Variants in CCDC7 observed in about 807,000 individuals in gnomAD.
CCDC7 encodes coiled-coil domain-containing protein 7.
A neutral mutation model predicts 196.9 loss-of-function variants in CCDC7; 183 were observed. The ratio of observed to expected loss-of-function variants is 0.93; its 90% confidence interval spans 0.82 to 1.05. CCDC7 has a LOEUF of 1.05. Among genes scored for constraint, CCDC7 ranks in the 50% least tolerant of loss-of-function variants. CCDC7 has a pLI of 0.00. For missense variants in CCDC7, 1,540 were observed against 1,482.2 expected (o/e 1.04, Z -0.64); for synonymous variants, 525 against 484.6 (o/e 1.08, Z -1.10).
intron 1 of CCDC7, 21 bp downstream of exon 1, chr10:32,446,418 C>T (rs570918251): frequency 7.9e-5 from 12 of 152,322 alleles, no homozygotes; most frequent in Admixed American, 7.2e-4. Flanking sequence ...CGGGGAGCCT[C>T]GGGAGCGGCT....
chr10:32,518,980 A>G lies in CCDC7; in HGVS notation c.993+475A>G, dbSNP rs1589447855. The stretch of plus-strand genomic sequence containing the variant: ...CAAACTACAGACAATAAAGTCAAAT[A>G]CATTAGAAGTGAACTTTTATTAACC... On this transcript the variant is annotated intron_variant, in intron 11 of 41. Coordinates refer to ENST00000639629, the Ensembl canonical transcript of CCDC7. Among the ~76,000 whole-genome samples the G allele has an allele frequency of 2.0e-5, 3 of 152,292 alleles. No individual in the cohort carries two copies. In the South Asian group the frequency reaches 6.2e-4, roughly 32 times the overall value.
intron 32 of CCDC7, among the ~76,000 whole-genome samples, chr10:32,830,926 G>C (rs889232695): frequency 3.9e-5 from 6 of 152,144 alleles, no homozygotes; most frequent in Non-Finnish European, 8.8e-5. Flanking sequence ...AAAACATTGA[G>C]AGACAAAGTG....
chr10:32,584,156 G>A, intron 17 of CCDC7, 76 bp from the exon 19 acceptor site: 1 of 630,628 alleles, frequency 1.6e-6, no homozygotes, highest in Non-Finnish European at 2.4e-6. Flanking sequence ...CTCAAAGCAG[G>A]TAATTAAATA....
chr10:32,724,071 A>G (rs1158457155), intron 25 of CCDC7, among the ~76,000 whole-genome samples: 1 of 151,988 alleles, frequency 6.6e-6, no homozygotes, highest in Non-Finnish European at 1.5e-5. Context: ...ATTGGAAGCT[A>G]AAAGGAAGGA....
intron 13 of CCDC7, among the ~76,000 whole-genome samples, chr10:32,563,559 C>G (rs1466737413): frequency 6.6e-6 from 1 of 152,190 alleles, no homozygotes; most frequent in South Asian, 2.1e-4. Flanking sequence ...AAAGGATTCC[C>G]TATTTAATAA....
At chr10:32,457,396 C>T (rs1035354467) in intron 3 of CCDC7, among the ~76,000 whole-genome samples, 1 of 152,068 alleles carries the variant, frequency 6.6e-6, no homozygotes, top group African/African-American at 2.4e-5. Flanking sequence ...GTCCATTCCC[C>T]CTATATGCCA....
chr10:32,642,282 C>T (rs2066954842), intron 20 of CCDC7, among the ~76,000 whole-genome samples: 2 of 152,222 alleles, frequency 1.3e-5, no homozygotes, highest in African/African-American at 2.4e-5. Flanking sequence ...CCTCCTTGAG[C>T]TGTGGTGGGC....
At chr10:32,476,294 G>A (rs2038956923) in intron 8 of CCDC7, among the ~76,000 whole-genome samples, 1 of 152,126 alleles carries the variant, frequency 6.6e-6, no homozygotes, top group African/African-American at 2.4e-5. Context: ...TTTCAAGAAT[G>A]TTGTATATTT....
In CCDC7 at chr10:32,827,912, C is replaced by T. The variant is rs571784955; in HGVS notation, c.3268+3308C>T. 2.1e-4 allele frequency among the ~76,000 whole-genome samples: 32 copies of T among 152,294 alleles called. 1 individual carries two copies. The South Asian group carries it at 6.2e-3, about 30-fold the overall frequency. On this transcript the variant is annotated intron_variant, in intron 32 of 41. Transcript: ENST00000639629. ...TGCAGCCACGAAATCCCTTTCCAGG[C>T]ATTTCCCAGATATAGGATAGATTAA...
At chr10:32,651,139 A>G (rs1349438236) in intron 20 of CCDC7, among the ~76,000 whole-genome samples, 1 of 152,010 alleles carries the variant, frequency 6.6e-6, no homozygotes, top group Non-Finnish European at 1.5e-5. Flanking sequence ...ATCTTCAGGG[A>G]GATCTCCCCT....
chr10:32,760,951 C>A (rs1011670835), intron 28 of CCDC7, among the ~76,000 whole-genome samples: 2 of 151,896 alleles, frequency 1.3e-5, no homozygotes, highest in Non-Finnish European at 2.9e-5. Context: ...TGAGAGAAGA[C>A]CCCAAATTGT....
At chr10:32,658,188 C>G (rs2070391622) in intron 20 of CCDC7, among the ~76,000 whole-genome samples, 1 of 152,210 alleles carries the variant, frequency 6.6e-6, no homozygotes, top group African/African-American at 2.4e-5. Context: ...GTTGCTTCTA[C>G]ATTTTTGGTT....
intron 29 of CCDC7, among the ~76,000 whole-genome samples, chr10:32,802,051 C>T (rs12355589): frequency 1.6e-4 from 25 of 152,308 alleles, no homozygotes; most frequent in Non-Finnish European, 2.8e-4. Context: ...AGGTCAGCCA[C>T]TCACAGGATA....
chr10:32,870,296 C>T (rs1056654922), intron 41 of CCDC7, among the ~76,000 whole-genome samples: 9 of 152,090 alleles, frequency 5.9e-5, no homozygotes, highest in African/African-American at 2.2e-4. Flanking sequence ...TGTAGTTCTC[C>T]TTGAAGAGGT....
At chr10:32,817,318 C>T (rs1198430251) in intron 31 of CCDC7, among the ~76,000 whole-genome samples, 1 of 152,160 alleles carries the variant, frequency 6.6e-6, no homozygotes, top group Non-Finnish European at 1.5e-5. Flanking sequence ...ACAAAGCCTT[C>T]AAGAAATATG....
At chr10:32,462,395 A>G (rs1250026217) in intron 3 of CCDC7, among the ~76,000 whole-genome samples, 4 of 152,186 alleles carry the variant, frequency 2.6e-5, no homozygotes. Flanking sequence ...GCTGCACTCA[A>G]GCCTGGGTGA....
intron 8 of CCDC7, chr10:32,481,630 C>T (rs1431407543): frequency 6.6e-6 from 1 of 152,116 alleles, no homozygotes; most frequent in Non-Finnish European, 1.5e-5. Context: ...TTTATACTTT[C>T]ATATGTATTT....
chr10:32,793,490 T>C (rs1592807331), intron 29 of CCDC7, among the ~76,000 whole-genome samples: 1 of 152,228 alleles, frequency 6.6e-6, no homozygotes, highest in Admixed American at 6.5e-5. Flanking sequence ...CTTAGTCTTA[T>C]GTGTTTTGAT....
intron 18 of CCDC7, among the ~76,000 whole-genome samples, chr10:32,601,953 C>A (rs1019419823): frequency 6.6e-6 from 1 of 152,140 alleles, no homozygotes; most frequent in East Asian, 1.9e-4. Flanking sequence ...GTGGGCGGGG[C>A]CAAATAAGGG....
Sources: allele counts gnomAD v4.1 joint callset (sites outside exome capture counted in the v4.1 genomes callset), GRCh38; gene constraint gnomAD v4.1.1; transcripts MANE v1.5; gene names NCBI Gene and HGNC (gene_info 2026-07-23, HGNC 2026-07-21).